The following ELAVL2 variants were observed in gnomAD, a reference collection of about 807,000 sequenced individuals.
The protein encoded by ELAVL2 is ELAV-like protein 2.
ELAVL2 carries 4 observed loss-of-function variants against 34.6 expected under a neutral mutation model. The observed-to-expected ratio is 0.12, with a 90% CI of 0.06 to 0.26. The LOEUF (loss-of-function observed/expected upper bound fraction) is 0.26, where lower values mean the gene tolerates loss of function less well. ELAVL2 is among the 10% of genes least tolerant of loss of function. ELAVL2 has a pLI of 1.00. For synonymous variants in ELAVL2, 193 were observed against 154.8 expected, an observed-to-expected ratio of 1.25 and a Z score of -1.83; for missense variants, 432 against 442.8, an observed-to-expected ratio of 0.98 and a Z score of 0.22.
intron 1 of ELAVL2, among the ~76,000 whole-genome samples, chr9:23,773,094 T>C (rs1413349764): frequency 1.3e-5 from 2 of 152,182 alleles, no homozygotes; most frequent in Non-Finnish European, 2.9e-5. Flanking sequence ...AGAATTTACA[T>C]TCAATGCAAG....
intron 1 of ELAVL2, among the ~76,000 whole-genome samples, chr9:23,823,434 CCTACAACCGTAGCGTTTTT>C (rs1307439145): frequency 6.6e-6 from 1 of 152,174 alleles, no homozygotes; most frequent in Non-Finnish European, 1.5e-5. Context: ...ACCACTTCTT[CCTACAACCGTAGCGTTTTT>C]TGTGAAGAGC....
intron 3 of ELAVL2, among the ~76,000 whole-genome samples, chr9:23,716,224 T>A (rs1237763044): frequency 1.3e-5 from 2 of 151,308 alleles, no homozygotes; most frequent in African/African-American, 4.9e-5. Flanking sequence ...AAATGATGAG[T>A]TAATGGGTGC....
At chr9:23,738,593 G>A (rs2048430566) in intron 2 of ELAVL2, among the ~76,000 whole-genome samples, 1 of 152,122 alleles carries the variant, frequency 6.6e-6, no homozygotes, top group African/African-American at 2.4e-5. Flanking sequence ...ACAGAAAACA[G>A]ATGGCTCACT....
chr9:23,704,018 C>T (rs555246904), intron 4 of ELAVL2, among the ~76,000 whole-genome samples: 27 of 152,156 alleles, frequency 1.8e-4, no homozygotes, highest in East Asian at 1.7e-3. Context: ...CCGTGACCTC[C>T]GCCTCTGGGG....
chr9:23,803,925 A>C (rs1205900232), intron 1 of ELAVL2, among the ~76,000 whole-genome samples: 1 of 152,176 alleles, frequency 6.6e-6, no homozygotes, highest in Non-Finnish European at 1.5e-5. Context: ...TGGCATCCAC[A>C]TCCTAGTGTT....
At chr9:23,698,050 C>A (rs1461680288) in intron 5 of ELAVL2, among the ~76,000 whole-genome samples, 3 of 152,100 alleles carry the variant, frequency 2.0e-5, no homozygotes, top group Admixed American at 2.0e-4. Context: ...GATAATGCAA[C>A]CAGTACGTCA....
chr9:23,825,620 C>T (rs565459429), intron 1 of ELAVL2, among the ~76,000 whole-genome samples, 186 bp downstream of exon 1: 3 of 152,266 alleles, frequency 2.0e-5, no homozygotes, highest in Non-Finnish European at 2.9e-5. Context: ...ATATTCAGTA[C>T]GCTAAGCATG....
At chr9:23,777,724 G>A (rs1156776154) in intron 1 of ELAVL2, among the ~76,000 whole-genome samples, 3 of 152,186 alleles carry the variant, frequency 2.0e-5, no homozygotes, top group African/African-American at 7.2e-5. Context: ...AAATTTGCCT[G>A]CCATCAATTA....
the ELAVL2 span, among the ~76,000 whole-genome samples, chr9:23,847,088 G>A: frequency 4.6e-5 from 7 of 152,084 alleles, no homozygotes; most frequent in African/African-American, 1.2e-4. Flanking sequence ...ATCCATGACT[G>A]AGTCATAGCA....
At chr9:23,845,917 A>G in the ELAVL2 span, among the ~76,000 whole-genome samples, 1 of 151,860 alleles carries the variant, frequency 6.6e-6, no homozygotes, top group Non-Finnish European at 1.5e-5. Flanking sequence ...TGAAAAGTGA[A>G]ATATTGAGCA....
chr9:23,816,003 A>AT (rs1399714158), intron 1 of ELAVL2, among the ~76,000 whole-genome samples: 1 of 152,186 alleles, frequency 6.6e-6, no homozygotes, highest in Non-Finnish European at 1.5e-5. Flanking sequence ...TCTCACTAGT[A>AT]TAAGAAGACA....
chr9:23,705,195 C>T, intron 3 of ELAVL2, 124 bp from the exon 4 acceptor site: 1 of 1,032,698 alleles, frequency 9.7e-7, no homozygotes, highest in Non-Finnish European at 1.4e-6. Context: ...TCAAGCAAGT[C>T]AGGTGCTAAC....
At chr9:23,738,966 G>A (rs2048516398) in intron 2 of ELAVL2, among the ~76,000 whole-genome samples, 1 of 152,216 alleles carries the variant, frequency 6.6e-6, no homozygotes, top group South Asian at 2.1e-4. Context: ...TTAAGTTGGC[G>A]ATACTGTGGG....
intron 2 of ELAVL2, among the ~76,000 whole-genome samples, chr9:23,741,705 C>A (rs2049236383): frequency 6.6e-6 from 1 of 152,168 alleles, no homozygotes; most frequent in African/African-American, 2.4e-5. Flanking sequence ...GCCAATTAGA[C>A]CTTCAGACAC....
intron 3 of ELAVL2, among the ~76,000 whole-genome samples, chr9:23,730,255 TCTACA>T (rs2046215463): frequency 6.6e-6 from 1 of 152,106 alleles, no homozygotes; most frequent in Non-Finnish European, 1.5e-5. Flanking sequence ...CAAGAGAGAA[TCTACA>T]TAAGAATTTC....
chr9:23,704,152 G>A (rs201792045), intron 4 of ELAVL2, among the ~76,000 whole-genome samples: 1 of 103,672 alleles, frequency 9.6e-6, no homozygotes, highest in Non-Finnish European at 2.2e-5. Context: ...CGCTGGTCTT[G>A]AACTCCCAGC....
At chr9:23,713,370 T>C (rs1054555271) in intron 3 of ELAVL2, among the ~76,000 whole-genome samples, 5 of 152,206 alleles carry the variant, frequency 3.3e-5, no homozygotes, top group Non-Finnish European at 5.9e-5. Context: ...TGAAATCAAA[T>C]TCACTATGGT....
chr9:23,820,049 G>A (rs1162961211), intron 1 of ELAVL2, among the ~76,000 whole-genome samples: 1 of 151,876 alleles, frequency 6.6e-6, no homozygotes, highest in Non-Finnish European at 1.5e-5. Flanking sequence ...ACTAAGACAA[G>A]GTAGATGCAG....
chr9:23,769,582 T>C (rs1016846364), intron 1 of ELAVL2, among the ~76,000 whole-genome samples: 2 of 152,202 alleles, frequency 1.3e-5, no homozygotes, highest in African/African-American at 4.8e-5. Context: ...TTTGTAGCTT[T>C]AAATGTCAAA....
Sources: allele counts gnomAD v4.1 joint callset (sites outside exome capture counted in the v4.1 genomes callset), GRCh38; gene constraint gnomAD v4.1.1; transcripts MANE v1.5; gene names NCBI Gene and HGNC (gene_info 2026-07-23, HGNC 2026-07-21).